Variants in ANKRD36C observed in about 807,000 individuals in gnomAD.
ANKRD36C encodes ankyrin repeat domain-containing protein 36C.
Under a neutral mutation model 276.4 loss-of-function variants are expected in ANKRD36C, and 61 were observed. The ratio of observed to expected loss-of-function variants is 0.22; its 90% CI spans 0.18 to 0.27. The LOEUF (loss-of-function observed/expected upper bound fraction) is 0.27. ANKRD36C is among the 10% of genes least tolerant of loss of function. ANKRD36C has a pLI of 1.00. For missense variants in ANKRD36C, 1,447 were observed against 2,032.3 expected (o/e 0.71, Z 5.54); for synonymous variants, 483 against 680.1 (o/e 0.71, Z 4.51).
At chr2:95,860,004 ATTATCT>A (rs1193936367) in exon 61 of ANKRD36C, 2 of 1,548,332 alleles carry the variant, frequency 1.3e-6, no homozygotes, top group Admixed American at 2.0e-5. Context: ...GCTCACAGTG[ATTATCT>A]TTAAGTTCTG....
At position 95,955,798 on chromosome 2, in the gene ANKRD36C, T is replaced by A. The variant is rs530298587; in HGVS notation, c.1136+988A>T. Among the ~76,000 whole-genome samples, 68 of 152,266 alleles carry A rather than the reference T, an allele frequency of 4.5e-4. No homozygotes were observed. In the East Asian group the frequency reaches 0.012, roughly 27 times the overall value. On this transcript the variant is annotated intron_variant, in intron 13 of 66. Coordinates refer to ENST00000456556, the Ensembl canonical transcript of ANKRD36C. ...GTTCTCCACCTGAACAACCACTTGA[T>A]CAGGATGTTAAGCAAGGATTCAAGC... is the stretch of plus-strand genomic sequence containing the variant.
At chr2:95,963,984 T>TATATATATATATATAA (rs1678525574) in intron 6 of ANKRD36C, among the ~76,000 whole-genome samples, 1 of 19,356 alleles carries the variant, frequency 5.2e-5, no homozygotes, top group African/African-American at 3.3e-4. Flanking sequence ...TATATATATA[T>TATATATATATATATAA]ATATATATAT....
chr2:95,883,410 T>A (rs1353551955), intron 54 of ANKRD36C, among the ~76,000 whole-genome samples: 1 of 152,154 alleles, frequency 6.6e-6, no homozygotes, highest in Admixed American at 6.6e-5. Context: ...TGCTATTTTA[T>A]CCAAAGTTAG....
chr2:95,945,125 G>T (rs1247896010), exon 18 of ANKRD36C: 1 of 1,537,408 alleles, frequency 6.5e-7, no homozygotes. Context: ...CTTTTCTGCA[G>T]ATTGTTGAGA....
chr2:95,908,911 A>G (rs1373935685), intron 42 of ANKRD36C, among the ~76,000 whole-genome samples: 1 of 151,252 alleles, frequency 6.6e-6, no homozygotes, highest in Non-Finnish European at 1.5e-5. Flanking sequence ...AATTTCAAAC[A>G]TGGTATGATT....
chr2:95,914,130 C>T (rs1677016522), exon 40 of ANKRD36C: 3 of 1,577,250 alleles, frequency 1.9e-6, no homozygotes, highest in Admixed American at 1.8e-5. Context: ...TTTCTCCATC[C>T]TCTTTTCCTC....
At chr2:95,861,247 C>T (rs115524270) in intron 60 of ANKRD36C, among the ~76,000 whole-genome samples, 90 of 150,698 alleles carry the variant, frequency 6.0e-4, no homozygotes, top group Non-Finnish European at 6.7e-4. Context: ...TACATTGTCA[C>T]AAATAAAAAC....
intron 58 of ANKRD36C, among the ~76,000 whole-genome samples, chr2:95,880,154 T>C (rs1413788269): frequency 6.7e-6 from 1 of 150,000 alleles, no homozygotes; most frequent in Non-Finnish European, 1.5e-5. Context: ...CACTCCACCC[T>C]GGGCAACAAG....
At chr2:95,916,890 G>A (rs574713727) in intron 36 of ANKRD36C, among the ~76,000 whole-genome samples, 11 of 151,662 alleles carry the variant, frequency 7.3e-5, no homozygotes, top group African/African-American at 1.7e-4. Flanking sequence ...TTTGACATAC[G>A]TATACAAAGT....
At chr2:95,891,210 G>A (rs185315630) in intron 46 of ANKRD36C, among the ~76,000 whole-genome samples, 41 of 150,600 alleles carry the variant, frequency 2.7e-4, no homozygotes, top group Admixed American at 8.6e-4. Flanking sequence ...CTCACAATCC[G>A]TCTTCCTTAG....
At chr2:95,952,921 T>C (rs1678234283) in intron 14 of ANKRD36C, among the ~76,000 whole-genome samples, 1 of 152,266 alleles carries the variant, frequency 6.6e-6, no homozygotes, top group African/African-American at 2.4e-5. Flanking sequence ...AAGTGCCTCA[T>C]AGTAATGCAG....
chr2:95,908,826 T>C (rs1573756074), intron 42 of ANKRD36C, 129 bp from the exon 47 acceptor site: 1 of 1,484,354 alleles, frequency 6.7e-7, no homozygotes, highest in Non-Finnish European at 9.1e-7. Flanking sequence ...GGCTTCTACT[T>C]TGTGTCTGGG....
intron 4 of ANKRD36C, among the ~76,000 whole-genome samples, chr2:95,981,560 T>C (rs1678918539): frequency 6.7e-6 from 1 of 150,192 alleles, no homozygotes; most frequent in South Asian, 2.1e-4. Flanking sequence ...TGCTCAGCCA[T>C]TGTTTCCAAA....
intron 6 of ANKRD36C, among the ~76,000 whole-genome samples, chr2:95,973,937 G>C (rs1241289693): frequency 3.3e-5 from 5 of 151,940 alleles, no homozygotes; most frequent in South Asian, 2.1e-4. Context: ...AGCAGTATCA[G>C]CGACTTAGGA....
chr2:95,849,768 A>G (rs749385810), downstream of ANKRD36C, among the ~76,000 whole-genome samples: 6 of 152,210 alleles, frequency 3.9e-5, no homozygotes, highest in African/African-American at 1.4e-4. Context: ...GCAGTTCACA[A>G]TAGGATTTTC....
intron 62 of ANKRD36C, 56 bp downstream of exon 82, chr2:95,857,253 G>A: frequency 6.4e-7 from 1 of 1,567,694 alleles, no homozygotes. Context: ...AAAAGAGATG[G>A]TATAAGTAAT....
chr2:95,903,156 G>A (rs1407423671), intron 42 of ANKRD36C, 75 bp from the exon 53 acceptor site: 1 of 1,527,938 alleles, frequency 6.5e-7, no homozygotes, highest in African/African-American at 1.4e-5. Flanking sequence ...TGCAGTGTTA[G>A]CATCAACCTC....
chr2:95,985,951 T>G (rs1423664745), intron 3 of ANKRD36C, among the ~76,000 whole-genome samples: 1 of 152,012 alleles, frequency 6.6e-6, no homozygotes, highest in African/African-American at 2.4e-5. Context: ...CTGCCAGAAT[T>G]GAATAATGTC....
intron 44 of ANKRD36C, 122 bp from the exon 63 acceptor site, chr2:95,893,846 T>A (rs1676451860): frequency 2.6e-6 from 4 of 1,524,562 alleles, no homozygotes; most frequent in Admixed American, 1.9e-5. Flanking sequence ...CTTTAATGGC[T>A]TCTACTTTGT....
Sources: allele counts gnomAD v4.1 joint callset (sites outside exome capture counted in the v4.1 genomes callset), GRCh38; gene constraint gnomAD v4.1.1; transcripts MANE v1.5; gene names NCBI Gene and HGNC (gene_info 2026-07-23, HGNC 2026-07-21).